MED12L: variants seen among roughly 807,000 people sequenced by gnomAD.
MED12L encodes mediator complex subunit 12L, also known as mediator of RNA polymerase II transcription subunit 12-like protein.
A neutral mutation model predicts 281.3 loss-of-function variants in MED12L; 60 were observed. That is an observed-to-expected ratio of 0.21 (90% confidence interval 0.17 to 0.26). MED12L has a LOEUF of 0.26. Ranked by LOEUF, MED12L falls within the 10% of genes least tolerant of loss-of-function variation. The pLI is 1.00. For missense variants in MED12L, 2,146 were observed against 2,680.9 expected (o/e 0.80, Z 4.41); for synonymous variants, 974 against 987.2 (o/e 0.99, Z 0.25).
At chr3:151,428,314 A>G (rs1352057584) in intron 43 of MED12L, among the ~76,000 whole-genome samples, 3 of 152,260 alleles carry the variant, frequency 2.0e-5, no homozygotes, top group African/African-American at 7.2e-5. Flanking sequence ...TATTGAATAG[A>G]AAAGAATACT....
At chr3:151,419,757 A>G (rs1718027818) in intron 43 of MED12L, among the ~76,000 whole-genome samples, 1 of 152,240 alleles carries the variant, frequency 6.6e-6, no homozygotes, top group African/African-American at 2.4e-5. Flanking sequence ...GCAACCGGAA[A>G]CGCACCAATC....
At chr3:151,309,567 CTATT>C (rs979565228) in intron 16 of MED12L, among the ~76,000 whole-genome samples, 8 of 152,328 alleles carry the variant, frequency 5.3e-5, no homozygotes, top group African/African-American at 1.7e-4. Context: ...TGCCTCTTAT[CTATT>C]AGGCAAGCTC....
chr3:151,209,324 A>G (rs1166739505), intron 16 of MED12L, among the ~76,000 whole-genome samples: 4 of 152,226 alleles, frequency 2.6e-5, no homozygotes, highest in African/African-American at 9.6e-5. Context: ...TGTAATATTT[A>G]TCACATACGT....
At chr3:151,373,077 A>G (rs1253086798) in intron 27 of MED12L, among the ~76,000 whole-genome samples, 1 of 152,134 alleles carries the variant, frequency 6.6e-6, no homozygotes, top group Non-Finnish European at 1.5e-5. Flanking sequence ...TCTTTTGAAT[A>G]TTGCATTATT....
intron 24 of MED12L, among the ~76,000 whole-genome samples, 165 bp downstream of exon 24, chr3:151,367,931 T>C (rs1267591960): frequency 1.3e-5 from 2 of 152,150 alleles, no homozygotes; most frequent in Non-Finnish European, 2.9e-5. Context: ...TTTATACAAA[T>C]TAACATGTAT....
chr3:151,356,637 T>G (rs1753956930), intron 19 of MED12L, among the ~76,000 whole-genome samples: 1 of 152,068 alleles, frequency 6.6e-6, no homozygotes, highest in Non-Finnish European at 1.5e-5. Context: ...TTTTTTGTTG[T>G]TGTTGTTGTT....
At chr3:151,380,701 A>AACTTT (rs1712135991) in intron 32 of MED12L, among the ~76,000 whole-genome samples, 1 of 152,192 alleles carries the variant, frequency 6.6e-6, no homozygotes. Context: ...TAGACACCAC[A>AACTTT]AGATTAACAA....
intron 15 of MED12L, 101 bp from the exon 16 acceptor site, chr3:151,193,388 AG>A (rs1724236059): frequency 1.3e-6 from 1 of 789,050 alleles, no homozygotes; most frequent in African/African-American, 1.7e-5. Context: ...AAGTAGGAAA[AG>A]GTGTATAAGT....
intron 16 of MED12L, among the ~76,000 whole-genome samples, chr3:151,313,503 A>C (rs1747820533): frequency 6.6e-6 from 1 of 151,846 alleles, no homozygotes; most frequent in Non-Finnish European, 1.5e-5. Context: ...CAGCTGTAAA[A>C]GTGGATAATA....
At chr3:151,164,471 C>T (rs184994902) in intron 9 of MED12L, among the ~76,000 whole-genome samples, 161 of 152,152 alleles carry the variant, frequency 1.1e-3, no homozygotes, top group Non-Finnish European at 1.5e-3. Flanking sequence ...ACTAGAAATA[C>T]CATTTGACCC....
chr3:151,099,387 C>T (rs1480454495), intron 2 of MED12L, among the ~76,000 whole-genome samples: 2 of 151,940 alleles, frequency 1.3e-5, no homozygotes, highest in East Asian at 1.9e-4. Flanking sequence ...GAAATTAAAA[C>T]TGAGAAATTT....
At chr3:151,317,776 C>T (rs550961527) in intron 16 of MED12L, among the ~76,000 whole-genome samples, 1 of 152,016 alleles carries the variant, frequency 6.6e-6, no homozygotes, top group East Asian at 1.9e-4. Context: ...AAATAATTTT[C>T]TTGCTTTCAG....
At chr3:151,353,178 CTGT>C (rs1393383936) in intron 17 of MED12L, among the ~76,000 whole-genome samples, 1 of 152,066 alleles carries the variant, frequency 6.6e-6, no homozygotes. Context: ...TTCTTTAAGT[CTGT>C]TGTTATTATT....
intron 5 of MED12L, among the ~76,000 whole-genome samples, chr3:151,129,900 T>A (rs1715122311): frequency 6.6e-6 from 1 of 152,144 alleles, no homozygotes; most frequent in Non-Finnish European, 1.5e-5. Flanking sequence ...TCTCAAGTTG[T>A]TGGGACTATA....
chr3:151,116,590 G>A, intron 3 of MED12L, 148 bp downstream of exon 3: 1 of 583,388 alleles, frequency 1.7e-6, no homozygotes, highest in Admixed American at 2.8e-5. Context: ...CCTGCCCCAG[G>A]ATCCAATCAG....
At chr3:151,277,485 AT>A (rs977026929) in intron 16 of MED12L, among the ~76,000 whole-genome samples, 1 of 151,940 alleles carries the variant, frequency 6.6e-6, no homozygotes, top group African/African-American at 2.4e-5. Flanking sequence ...CAAACTATTT[AT>A]TTTTTTACTA....
chr3:151,144,432 G>A (rs143418971), intron 5 of MED12L, among the ~76,000 whole-genome samples: 4 of 152,260 alleles, frequency 2.6e-5, no homozygotes, highest in East Asian at 3.9e-4. Flanking sequence ...GATGCAGTCG[G>A]GAGTTTCCAT....
At chr3:151,294,490 C>G in intron 16 of MED12L, 1 of 1,614,210 alleles carries the variant, frequency 6.2e-7, no homozygotes, top group Non-Finnish European at 8.5e-7. Context: ...CCCTGATGCT[C>G]TGGTTATGTT....
chr3:151,202,204 T>C (rs548307835), intron 16 of MED12L, among the ~76,000 whole-genome samples: 1 of 152,376 alleles, frequency 6.6e-6, no homozygotes, highest in East Asian at 1.9e-4. Flanking sequence ...TAAAATATTG[T>C]ATAATAACAT....
Sources: allele counts gnomAD v4.1 joint callset (sites outside exome capture counted in the v4.1 genomes callset), GRCh38; gene constraint gnomAD v4.1.1; transcripts MANE v1.5; gene names NCBI Gene and HGNC (gene_info 2026-07-23, HGNC 2026-07-21).